PATJ: variants seen among roughly 807,000 people sequenced by gnomAD.
PATJ encodes the protein PATJ crumbs cell polarity complex component, also known as inaD-like protein.
In PATJ, 190 loss-of-function variants were observed where a neutral mutation model predicts 224.9. The observed-to-expected ratio is 0.84, with a 90% confidence interval of 0.75 to 0.95. The LOEUF (loss-of-function observed/expected upper bound fraction) is 0.95. Among genes scored for constraint, PATJ ranks in the 40% least tolerant of loss-of-function variants. The probability of loss-of-function intolerance (pLI) is 0.00; values close to 1 mark genes in which losing one functional copy is unlikely to be tolerated. For missense variants in PATJ, 2,121 were observed against 2,270.3 expected (o/e 0.93, Z 1.34); for synonymous variants, 769 against 820.3 (o/e 0.94, Z 1.07).
intron 22 of PATJ, 107 bp from the exon 23 acceptor site, chr1:61,899,476 G>T: frequency 3.3e-6 from 2 of 610,160 alleles, no homozygotes; most frequent in South Asian, 3.4e-5. Flanking sequence ...TAAAAATTGA[G>T]AATCATTTAA....
intron 41 of PATJ, among the ~76,000 whole-genome samples, chr1:62,145,066 C>T (rs1047134600): frequency 1.3e-5 from 2 of 152,052 alleles, no homozygotes; most frequent in African/African-American, 4.8e-5. Context: ...CCGCCCACCT[C>T]GGCTTCCAAA....
At chr1:62,083,095 A>G (rs868724191) in intron 32 of PATJ, among the ~76,000 whole-genome samples, 12 of 152,328 alleles carry the variant, frequency 7.9e-5, no homozygotes, top group Middle Eastern at 6.8e-3. Context: ...TCTTGAAACT[A>G]TTCAACATTT....
intron 13 of PATJ, among the ~76,000 whole-genome samples, chr1:61,806,247 G>A (rs2148615583): frequency 1.3e-5 from 2 of 152,300 alleles, no homozygotes; most frequent in Admixed American, 1.3e-4. Context: ...GTACTGGTTG[G>A]CTGGTTGGAG....
At position 61,858,750 on chromosome 1, in the gene PATJ, C is replaced by T. The variant is rs151332594; in HGVS notation, c.2322+2511C>T. On this transcript the variant is annotated intron_variant, in intron 18 of 43. Coordinates refer to ENST00000642238, the MANE Select transcript of PATJ (RefSeq NM_001350145.3). Reference sequence around the variant, plus strand: ...AGACAAATATACAAACTGTATCAATCATATATAAATAGATTCATGTACAGC... The same window carrying T: ...AGACAAATATACAAACTGTATCAATTATATATAAATAGATTCATGTACAGC... 2.9e-3 allele frequency among the ~76,000 whole-genome samples: 449 copies of T among 152,300 alleles called. 2 individuals are homozygous for T. Among genetic ancestry groups the T allele is most frequent in the African/African-American group, 0.01 (435 of 41,542 alleles).
Position 61,866,846 on chromosome 1 carries a change from TG to T in PATJ, c.2835+2215del, listed in dbSNP as rs1429355130. 9.8e-5 allele frequency among the ~76,000 whole-genome samples: 15 copies of T among 152,352 alleles called. No homozygotes were observed. In the South Asian group the frequency reaches 2.5e-3, roughly 25 times the overall value. ...TAGATAGAGCAGTCCTGAGGGCTAC[TG>T]GTTGCCCATTTTTATAGTTATTTTT... On this transcript the variant is annotated intron_variant, in intron 20 of 43. Transcript: ENST00000642238.
At chr1:61,831,112 C>T (rs1038045962) in intron 16 of PATJ, among the ~76,000 whole-genome samples, 4 of 149,634 alleles carry the variant, frequency 2.7e-5, no homozygotes, top group African/African-American at 7.4e-5. Context: ...GGCATGAACC[C>T]GAGAGGTGGA....
intron 1 of PATJ, among the ~76,000 whole-genome samples, chr1:61,761,526 G>A (rs76652762): frequency 1.1e-4 from 17 of 152,184 alleles, no homozygotes; most frequent in African/African-American, 3.9e-4. Flanking sequence ...AGGAAGACCC[G>A]AAGAAACAGT....
Position 62,148,409 on chromosome 1 carries a change from G to T in PATJ, c.5378+19G>T, listed in dbSNP as rs1384957608. 1 of 1,544,082 alleles carries T rather than the reference G, an allele frequency of 6.5e-7. No individual in the cohort carries two copies. Among genetic ancestry groups the T allele is most frequent in the Non-Finnish European group, 9.0e-7 (1 of 1,116,148 alleles). ...ACACAGAGTGAGTATTTCAGATGCAGAGGGCCTATTATGCATGTGGGCAAA... is the reference window on the plus strand; with the variant it reads ...ACACAGAGTGAGTATTTCAGATGCATAGGGCCTATTATGCATGTGGGCAAA... On this transcript the variant is annotated intron_variant, in intron 42 of 43. Transcript: ENST00000642238.
intron 27 of PATJ, among the ~76,000 whole-genome samples, chr1:61,932,506 G>A (rs1347687892): frequency 6.6e-6 from 1 of 152,192 alleles, no homozygotes; most frequent in African/African-American, 2.4e-5. Context: ...GGTCAAGGGT[G>A]GAATGCTGCT....
chr1:61,894,280 A>AC (rs200562566), intron 22 of PATJ, among the ~76,000 whole-genome samples: 3,372 of 152,078 alleles, frequency 0.022, 70 homozygotes, highest in Non-Finnish European at 0.033. Flanking sequence ...CACAAAAAAA[A>AC]AACAGAGAAT....
intron 17 of PATJ, among the ~76,000 whole-genome samples, chr1:61,842,469 C>T (rs904057890): frequency 3.9e-5 from 6 of 152,148 alleles, no homozygotes; most frequent in African/African-American, 9.7e-5. Flanking sequence ...ACGTGTTTAT[C>T]CATGACAGTT....
intron 28 of PATJ, among the ~76,000 whole-genome samples, chr1:62,012,008 C>T (rs193149014): frequency 2.9e-4 from 44 of 149,548 alleles, no homozygotes; most frequent in Non-Finnish European, 4.9e-4. Context: ...GTCTGAATGA[C>T]AGTGAGAACC....
chr1:62,134,330 C>CTTTTTTTT (rs779235130), intron 41 of PATJ, among the ~76,000 whole-genome samples: 3,772 of 93,802 alleles, frequency 0.04, 3 homozygotes, highest in Non-Finnish European at 0.046. Flanking sequence ...CCAGCCCTCT[C>CTTTTTTTT]TTTTTTTTTT....
At chr1:62,021,099 A>C (rs1030460036) in intron 29 of PATJ, among the ~76,000 whole-genome samples, 6 of 152,074 alleles carry the variant, frequency 3.9e-5, no homozygotes, top group African/African-American at 1.2e-4. Flanking sequence ...AAGTGCTGGG[A>C]TCACAGACGT....
In PATJ at chr1:62,050,992, T is replaced by C. The variant is rs149125687; in HGVS notation, c.4059T>C (p.Ser1353=). The change falls in exon 31 of 44, where the codon AGT becomes AGC. Residue 1353 remains serine, a synonymous_variant. Coordinates refer to ENST00000642238, the MANE Select transcript of PATJ (RefSeq NM_001350145.3). ...ATCAGAGCGGCACCGAACCTATTAGTAGTGAGGAAGATGGCAGCGTCGAAG... is the reference window on the plus strand; with the variant it reads ...ATCAGAGCGGCACCGAACCTATTAGCAGTGAGGAAGATGGCAGCGTCGAAG... ...IEDQSGTEPI[S]SEEDGSVEVG... is the part of the protein sequence containing the mutation. The C allele has an allele frequency of 1.4e-4, 223 of 1,614,000 alleles. 1 individual carries two copies. The African/African-American group carries it at 2.8e-3, about 20-fold the overall frequency.
chr1:61,935,668 A>G (rs12239276), intron 27 of PATJ, among the ~76,000 whole-genome samples: 6,577 of 152,054 alleles, frequency 0.043, 528 homozygotes, highest in African/African-American at 0.15. Flanking sequence ...GTGCATGCCT[A>G]TGATCCTAGC....
chr1:62,127,950 TTA>T lies in PATJ; in HGVS notation c.5044-20_5044-19del. On this transcript the variant is annotated intron_variant, in intron 39 of 43. Coordinates refer to ENST00000642238, the MANE Select transcript of PATJ (RefSeq NM_001350145.3). ...TGGCTCTTTATTAAATATAAAAGCA[TTA>T]TGTTTTCTTCCTTTTTTAGGAGCTC... 6.2e-7 allele frequency: 1 copy of T among 1,612,936 alleles called. No individual in the cohort carries two copies. The highest frequency in any genetic ancestry group is 8.5e-7 in the Non-Finnish European group (1 of 1,179,194).
At chr1:61,798,192 C>T (rs1381565896) in intron 11 of PATJ, among the ~76,000 whole-genome samples, 5 of 151,710 alleles carry the variant, frequency 3.3e-5, no homozygotes, top group African/African-American at 9.7e-5. Context: ...AAATAAAACA[C>T]GTATTTGTAT....
intron 22 of PATJ, among the ~76,000 whole-genome samples, chr1:61,891,937 A>C (rs915976691): frequency 6.6e-6 from 1 of 152,176 alleles, no homozygotes; most frequent in African/African-American, 2.4e-5. Context: ...TAATACTGTA[A>C]ATTAGTTTTT....
Sources: gnomAD v4.1 joint callset for allele counts (sites outside exome capture counted in the v4.1 genomes callset) on GRCh38, gnomAD v4.1.1 for gene constraint, MANE v1.5 for transcripts, NCBI Gene and HGNC (gene_info 2026-07-23, HGNC 2026-07-21) for gene names.